The following AGBL1 variants were observed in gnomAD, a reference collection of about 807,000 sequenced individuals.
AGBL1 encodes the protein AGBL carboxypeptidase 1.
Under a neutral mutation model 118.9 loss-of-function variants are expected in AGBL1, and 130 were observed. That is an observed-to-expected ratio of 1.09 (90% CI 0.95 to 1.26). AGBL1 has a LOEUF of 1.26. Among genes scored for constraint, AGBL1 ranks in the 50% most tolerant of loss-of-function variants. The pLI, the probability that AGBL1 is intolerant of heterozygous loss-of-function variation, is 0.00. For missense variants in AGBL1, 1,584 were observed against 1,298.1 expected, an observed-to-expected ratio of 1.22 and a Z score of -3.38; for synonymous variants, 555 against 478.9, an observed-to-expected ratio of 1.16 and a Z score of -2.08.
At chr15:86,977,525 AAAAG>A (rs924169488) in intron 23 of AGBL1, among the ~76,000 whole-genome samples, 21 of 151,976 alleles carry the variant, frequency 1.4e-4, no homozygotes, top group African/African-American at 4.3e-4. Flanking sequence ...TATATTGAAA[AAAAG>A]CTGTTTATTT....
chr15:86,280,004 G>C (rs1744526121), intron 16 of AGBL1, among the ~76,000 whole-genome samples: 1 of 152,208 alleles, frequency 6.6e-6, no homozygotes, highest in African/African-American at 2.4e-5. Context: ...GCCTTGATCA[G>C]TGACATTCCA....
At chr15:86,934,779 G>C (rs1260131981) in intron 23 of AGBL1, among the ~76,000 whole-genome samples, 1 of 152,114 alleles carries the variant, frequency 6.6e-6, no homozygotes, top group Non-Finnish European at 1.5e-5. Flanking sequence ...GGTTACTTCT[G>C]GGTACCAGAT....
intron 6 of AGBL1, among the ~76,000 whole-genome samples, chr15:86,234,620 A>G (rs1429940794): frequency 6.6e-6 from 1 of 151,110 alleles, no homozygotes; most frequent in East Asian, 2.0e-4. Flanking sequence ...GTCACTGTGC[A>G]GGCTCTGGAA....
chr15:86,667,923 G>A (rs1444524002), intron 21 of AGBL1, among the ~76,000 whole-genome samples: 1 of 152,200 alleles, frequency 6.6e-6, no homozygotes, highest in Non-Finnish European at 1.5e-5. Flanking sequence ...CAGTTCTGCA[G>A]GCTGTAAAAG....
At chr15:86,808,199 G>T (rs1267650410) in intron 22 of AGBL1, among the ~76,000 whole-genome samples, 1 of 152,054 alleles carries the variant, frequency 6.6e-6, no homozygotes, top group Non-Finnish European at 1.5e-5. Context: ...TTTAAACTGT[G>T]GTTGACCCCT....
chr15:86,185,901 A>G (rs1435024849), intron 5 of AGBL1, among the ~76,000 whole-genome samples: 1 of 152,216 alleles, frequency 6.6e-6, no homozygotes, highest in Non-Finnish European at 1.5e-5. Flanking sequence ...AACTTAGAGT[A>G]TAATTTAAAA....
intron 17 of AGBL1, among the ~76,000 whole-genome samples, chr15:86,350,341 A>T (rs919122476): frequency 2.0e-5 from 3 of 152,258 alleles, no homozygotes; most frequent in Admixed American, 6.5e-5. Context: ...CCCAAAATGT[A>T]TCAACTGAAC....
intron 17 of AGBL1, among the ~76,000 whole-genome samples, chr15:86,326,904 A>C (rs1055366495): frequency 1.3e-5 from 2 of 151,736 alleles, no homozygotes; most frequent in Non-Finnish European, 2.9e-5. Flanking sequence ...GTTATCCCCC[A>C]TATCCTCGAG....
intron 5 of AGBL1, among the ~76,000 whole-genome samples, chr15:86,217,528 A>G (rs2078209208): frequency 6.6e-6 from 1 of 152,238 alleles, no homozygotes. Flanking sequence ...TGCAATGAGA[A>G]AAGAGGAAAA....
intron 22 of AGBL1, among the ~76,000 whole-genome samples, chr15:86,856,788 G>A (rs182627675): frequency 9.8e-5 from 15 of 152,326 alleles, no homozygotes; most frequent in Admixed American, 9.1e-4. Context: ...TGCATTACAC[G>A]CTTAGATATT....
chr15:86,279,845 G>C, intron 16 of AGBL1, 62 bp downstream of exon 16: 1 of 1,572,796 alleles, frequency 6.4e-7, no homozygotes, highest in Non-Finnish European at 8.7e-7. Context: ...GGTTTTCCTG[G>C]GAACATTTTG....
At chr15:86,943,524 G>A (rs116964922) in intron 23 of AGBL1, among the ~76,000 whole-genome samples, 4,007 of 152,274 alleles carry the variant, frequency 0.026, 91 homozygotes, top group Non-Finnish European at 0.038. Context: ...CATAGGGCAC[G>A]AGAGATTGGT....
chr15:86,534,376 A>G (rs2083393742), intron 19 of AGBL1, among the ~76,000 whole-genome samples: 1 of 152,194 alleles, frequency 6.6e-6, no homozygotes, highest in Non-Finnish European at 1.5e-5. Flanking sequence ...TTATTCTAGT[A>G]AGGCTGAGAA....
chr15:86,397,498 T>C lies in AGBL1; in HGVS notation c.2507T>C (p.Ile836Thr). The change falls in exon 18 of 23, where the codon ATC (isoleucine) becomes ACC (threonine). Residue 836 changes from isoleucine (I) to threonine (T), a missense_variant. Ile to Thr is a moderately conservative substitution (Grantham distance 89). Coordinates refer to ENST00000614907, the MANE Select transcript of AGBL1 (RefSeq NM_001386094.1). The stretch of plus-strand genomic sequence containing the variant: ...GCTAGGCTCTTGAGGGAAAACTTCA[T>C]CTTCAAGATCATACCCATGCTCAAC... ...PVARLLRENFIFKIIPMLNPD... is the reference protein window; with the variant it reads ...PVARLLRENFTFKIIPMLNPD... The C allele has an allele frequency of 3.1e-6, 5 of 1,612,948 alleles. No homozygotes were observed. The highest frequency in any genetic ancestry group is 4.2e-6 in the Non-Finnish European group (5 of 1,179,382).
chr15:86,997,477 T>G (rs1445521306), intron 24 of AGBL1, among the ~76,000 whole-genome samples: 1 of 152,216 alleles, frequency 6.6e-6, no homozygotes, highest in Non-Finnish European at 1.5e-5. Flanking sequence ...ATTCTCAGCT[T>G]CAGTTTATCA....
rs544825273 is a variant in AGBL1, at chr15:86,408,809, TA to T, written c.2555+11268del. On this transcript the variant is annotated intron_variant, in intron 18 of 22. Transcript: ENST00000614907. Reference sequence around the variant, plus strand: ...TCCTTTGCATTACTTTCCTTATATTTAAAAATGGGGAAAATTGTTATTCTGA... The same window carrying T: ...TCCTTTGCATTACTTTCCTTATATTTAAAATGGGGAAAATTGTTATTCTGA... 3.3e-5 allele frequency among the ~76,000 whole-genome samples: 5 copies of T among 152,268 alleles called. No homozygotes were observed. The South Asian group carries it at 8.3e-4, about 25-fold the overall frequency.
At chr15:86,884,643 C>G (rs1439555375) in intron 22 of AGBL1, among the ~76,000 whole-genome samples, 1 of 152,190 alleles carries the variant, frequency 6.6e-6, no homozygotes, top group East Asian at 1.9e-4. Flanking sequence ...GAAACCCTTC[C>G]TCTACCAAAA....
chr15:86,755,259 C>G (rs866114528), intron 22 of AGBL1, among the ~76,000 whole-genome samples: 12 of 151,998 alleles, frequency 7.9e-5, no homozygotes, highest in Non-Finnish European at 1.5e-4. Flanking sequence ...CATCCCTGCT[C>G]AAAATTAAAA....
At chr15:86,848,838 A>T (rs1328728848) in intron 22 of AGBL1, among the ~76,000 whole-genome samples, 2 of 152,212 alleles carry the variant, frequency 1.3e-5, no homozygotes, top group Non-Finnish European at 2.9e-5. Flanking sequence ...GGGGAAAAGG[A>T]GATTGTGATA....
Sources: allele counts gnomAD v4.1 joint callset (sites outside exome capture counted in the v4.1 genomes callset), GRCh38; gene constraint gnomAD v4.1.1; transcripts MANE v1.5; gene names NCBI Gene and HGNC (gene_info 2026-07-23, HGNC 2026-07-21).